Variants in MARCHF7 observed in about 807,000 individuals in gnomAD.
MARCHF7 encodes membrane associated ring-CH-type finger 7.
A neutral mutation model predicts 76.5 loss-of-function variants in MARCHF7; 20 were observed. The ratio of observed to expected loss-of-function variants is 0.26; its 90% confidence interval spans 0.18 to 0.38. MARCHF7 has a LOEUF of 0.38. Ranked by LOEUF, MARCHF7 falls within the 10% of genes least tolerant of loss-of-function variation. The pLI is 1.00. For synonymous variants in MARCHF7, 295 were observed against 293.0 expected, an observed-to-expected ratio of 1.01 and a Z score of -0.07; for missense variants, 797 against 812.9, an observed-to-expected ratio of 0.98 and a Z score of 0.24.
rs553061316 is a variant in MARCHF7, at chr2:159,764,241, T to TGTGC, written c.2008-382_2008-381insCGTG. On this transcript the variant is annotated intron_variant, in intron 10 of 11. Coordinates refer to ENST00000409175, the MANE Select transcript of MARCHF7 (RefSeq NM_001282805.2). ...GTGTGTGTGTGTGTGTGTGTGTGTG[T>TGTGC]GTGTGTGTGTGTGTGCGCGCGCCCA... 1.3e-3 allele frequency among the ~76,000 whole-genome samples: 188 copies of TGTGC among 148,316 alleles called. 2 individuals carry two copies. In the East Asian group the frequency reaches 0.018, roughly 14 times the overall value.
intron 7 of MARCHF7, among the ~76,000 whole-genome samples, chr2:159,751,353 C>A (rs1351354556): frequency 6.6e-6 from 1 of 152,004 alleles, no homozygotes; most frequent in Non-Finnish European, 1.5e-5. Flanking sequence ...TTTCCTCATA[C>A]CTAAGGATTT....
chr2:159,725,164 G>A (rs998247790), intron 3 of MARCHF7, among the ~76,000 whole-genome samples: 9 of 152,186 alleles, frequency 5.9e-5, no homozygotes, highest in Non-Finnish European at 1.3e-4. Context: ...TGTCTTTATA[G>A]TAGCATGATT....
intron 7 of MARCHF7, 83 bp downstream of exon 7, chr2:159,748,986 T>TC (rs1350423362): frequency 1.8e-4 from 228 of 1,280,004 alleles, no homozygotes; most frequent in Admixed American, 2.2e-4. Context: ...TTCTTTTTTT[T>TC]TTTTTTTTTT....
chr2:159,716,476 G>A (rs759938604), intron 3 of MARCHF7, among the ~76,000 whole-genome samples: 14 of 151,726 alleles, frequency 9.2e-5, no homozygotes, highest in African/African-American at 2.4e-4. Flanking sequence ...ATGAAACCCC[G>A]TCTCTACTAA....
chr2:159,713,635 T>G (rs1043117211), intron 1 of MARCHF7, among the ~76,000 whole-genome samples: 4 of 152,224 alleles, frequency 2.6e-5, no homozygotes, highest in African/African-American at 9.6e-5. Flanking sequence ...AAGGCACACA[T>G]GTAGTGTAAC....
At chr2:159,747,191 A>G (rs1705007259) in intron 6 of MARCHF7, among the ~76,000 whole-genome samples, 1 of 152,206 alleles carries the variant, frequency 6.6e-6, no homozygotes, top group Non-Finnish European at 1.5e-5. Flanking sequence ...CATAGTTCCT[A>G]GCCAGTATTT....
At chr2:159,767,263 C>G in intron 11 of MARCHF7, 21 bp from the exon 12 acceptor site, 1 of 1,586,354 alleles carries the variant, frequency 6.3e-7, no homozygotes, top group Non-Finnish European at 8.6e-7. Flanking sequence ...CATTCTTGAT[C>G]ATCCTGTTTT....
intron 10 of MARCHF7, 141 bp from the exon 11 acceptor site, chr2:159,764,485 G>A: frequency 2.2e-6 from 1 of 457,012 alleles, no homozygotes; most frequent in Non-Finnish European, 3.8e-6. Context: ...GATTTTTGAT[G>A]TTAGGGGGAG....
At chr2:159,738,956 C>A (rs1703794985) in intron 4 of MARCHF7, among the ~76,000 whole-genome samples, 1 of 152,236 alleles carries the variant, frequency 6.6e-6, no homozygotes, top group African/African-American at 2.4e-5. Context: ...CCCTTGGCTT[C>A]CCTTTGTGCT....
At position 159,767,969 on chromosome 2, in the gene MARCHF7, T is replaced by C. The variant is rs773687426; in HGVS notation, c.*627T>C. On this transcript the variant is annotated 3_prime_UTR_variant, in exon 12 of 12. Coordinates refer to ENST00000409175, the MANE Select transcript of MARCHF7 (RefSeq NM_001282805.2). Reference sequence around the variant, plus strand: ...ATATAAATATAAAATGTATAAATGATGGATAGATTTTTGTATTGATTTGCA... The same window carrying C: ...ATATAAATATAAAATGTATAAATGACGGATAGATTTTTGTATTGATTTGCA... The C allele has an allele frequency of 6.6e-6, 1 of 152,552 alleles. No individual in the cohort carries two copies. The highest frequency in any genetic ancestry group is 2.4e-5 in the African/African-American group (1 of 41,454). 9.4% of individuals were successfully genotyped at this position (152,552 alleles called of 1,614,324 possible).
At chr2:159,722,053 C>T (rs1280908906) in intron 3 of MARCHF7, among the ~76,000 whole-genome samples, 3 of 152,172 alleles carry the variant, frequency 2.0e-5, no homozygotes, top group East Asian at 3.8e-4. Context: ...ACTTTTTTTG[C>T]GCTATTTGTT....
chr2:159,754,966 G>C (rs12478590), intron 8 of MARCHF7, among the ~76,000 whole-genome samples: 1 of 152,108 alleles, frequency 6.6e-6, no homozygotes, highest in Non-Finnish European at 1.5e-5. Flanking sequence ...AGTGAGGTAC[G>C]TGTACAATTT....
At chr2:159,730,053 T>C (rs1319275668) in intron 4 of MARCHF7, among the ~76,000 whole-genome samples, 2 of 152,224 alleles carry the variant, frequency 1.3e-5, no homozygotes, top group African/African-American at 4.8e-5. Flanking sequence ...ATGTAGCTAG[T>C]TTTCGTTAGG....
At chr2:159,752,353 C>A in intron 7 of MARCHF7, 49 bp from the exon 8 acceptor site, 2 of 1,456,734 alleles carry the variant, frequency 1.4e-6, no homozygotes, top group Non-Finnish European at 1.8e-6. Context: ...CTGAAGTAAC[C>A]AACCAGGATG....
At chr2:159,758,455 C>T (rs1706599612) in intron 8 of MARCHF7, among the ~76,000 whole-genome samples, 1 of 152,130 alleles carries the variant, frequency 6.6e-6, no homozygotes, top group Non-Finnish European at 1.5e-5. Flanking sequence ...TTTATCATTC[C>T]AGACAGAAAC....
intron 11 of MARCHF7, among the ~76,000 whole-genome samples, chr2:159,766,687 A>C (rs1280205243): frequency 3.3e-5 from 5 of 152,170 alleles, no homozygotes; most frequent in Admixed American, 2.6e-4. Context: ...GTGTGGAGAC[A>C]GGGGAATAAT....
At chr2:159,728,716 T>TGTA (rs1375057752) in intron 3 of MARCHF7, among the ~76,000 whole-genome samples, 6 of 152,166 alleles carry the variant, frequency 3.9e-5, no homozygotes, top group Non-Finnish European at 8.8e-5. Flanking sequence ...ATGTAGAATA[T>TGTA]GTAATAGACA....
rs748212023 is a variant in MARCHF7, at chr2:159,748,288, C to T, written c.998C>T (p.Ala333Val). 6.2e-7 allele frequency: 1 copy of T among 1,613,354 alleles called. No individual in the cohort carries two copies. Among genetic ancestry groups the T allele is most frequent in the East Asian group, 2.2e-5 (1 of 44,880 alleles). Residue 333 changes from alanine to valine, a missense_variant, in exon 7 of 12, where the codon GCT (alanine) becomes GTT (valine). Around this residue, in one of 3 missense-constraint regions of MARCHF7, gnomAD observed 643 missense variants for 631.5 expected, o/e 1.02. Coordinates refer to ENST00000409175, the MANE Select transcript of MARCHF7 (RefSeq NM_001282805.2). Reference protein sequence around the residue: ...ASQSRSNVPSASEVPDNRASE... With the variant: ...ASQSRSNVPSVSEVPDNRASE... ...CAGTCCCGTAGTAATGTACCATCAG[C>T]TTCTGAAGTTCCCGATAATAGGGCA...
intron 4 of MARCHF7, among the ~76,000 whole-genome samples, chr2:159,739,814 ATATC>A (rs1482527616): frequency 8.5e-5 from 13 of 152,228 alleles, no homozygotes; most frequent in African/African-American, 1.2e-4. Context: ...ACTGATATGT[ATATC>A]TATATGCTGA....
Sources: gnomAD v4.1 joint callset for allele counts (sites outside exome capture counted in the v4.1 genomes callset) on GRCh38, gnomAD v4.1.1 for gene constraint, gnomAD v4.1.1 regional missense constraint, MANE v1.5 for transcripts, NCBI Gene and HGNC (gene_info 2026-07-23, HGNC 2026-07-21) for gene names.